The following CACNB2 variants were observed in gnomAD, a reference collection of about 807,000 sequenced individuals.
CACNB2 encodes the protein calcium voltage-gated channel auxiliary subunit beta 2.
In CACNB2, 42 loss-of-function variants were observed where a neutral mutation model predicts 73.3. The observed-to-expected ratio is 0.57, with a 90% CI of 0.45 to 0.74. CACNB2 has a LOEUF of 0.74. Among genes scored for constraint, CACNB2 ranks in the 30% least tolerant of loss-of-function variants. CACNB2 has a pLI of 0.00. For synonymous variants in CACNB2, 348 were observed against 310.3 expected (o/e 1.12, Z -1.28); for missense variants, 940 against 853.0 (o/e 1.10, Z -1.27).
rs568072496 is a variant in CACNB2, at chr10:18,349,756, G to A, written c.214-52168G>A. 9.9e-4 allele frequency among the ~76,000 whole-genome samples: 150 copies of A among 151,522 alleles called. 1 individual carries two copies. The highest frequency in any genetic ancestry group is 1.8e-3 in the Non-Finnish European group (125 of 67,912). On this transcript the variant is annotated intron_variant, in intron 2 of 13. Transcript: ENST00000324631. ...AAAAAAAAAGATCCTGGAGACAGAA[G>A]ATGGTGATGGCTACCCAATAATGTG... is the stretch of plus-strand genomic sequence containing the variant.
intron 2 of CACNB2, among the ~76,000 whole-genome samples, chr10:18,221,499 T>G (rs2035791435): frequency 6.6e-6 from 1 of 152,078 alleles, no homozygotes; most frequent in Admixed American, 6.6e-5. Flanking sequence ...GCCAACATGG[T>G]GAAGCCCTGT....
intron 2 of CACNB2, among the ~76,000 whole-genome samples, chr10:18,270,133 T>C (rs776830390): frequency 4.6e-5 from 7 of 152,154 alleles, no homozygotes; most frequent in Non-Finnish European, 1.0e-4. Flanking sequence ...CTTACAGTCA[T>C]GGCAGGAGGC....
intron 3 of CACNB2, among the ~76,000 whole-genome samples, chr10:18,446,718 A>G (rs970084373): frequency 3.3e-4 from 51 of 152,284 alleles, no homozygotes; most frequent in African/African-American, 1.1e-3. Flanking sequence ...TGACACTCCA[A>G]GAAGAAGATG....
intron 2 of CACNB2, among the ~76,000 whole-genome samples, chr10:18,391,933 A>AG (rs983534278): frequency 6.6e-6 from 1 of 151,628 alleles, no homozygotes; most frequent in Non-Finnish European, 1.5e-5. Context: ...GTCAAAAAAA[A>AG]AAAAAAAAAA....
chr10:18,437,863 G>T (rs1011643805), intron 3 of CACNB2, among the ~76,000 whole-genome samples: 7 of 152,066 alleles, frequency 4.6e-5, no homozygotes, highest in African/African-American at 1.7e-4. Context: ...CTTTTAAAGA[G>T]TTTTTGTAAT....
rs112853251 is a variant in CACNB2 at position 18,488,494 on chromosome 10, A to G, written c.334-9861A>G. ...CATCTCAAAAAAAAAAAAAAAAAAA[A>G]AAAAAGAAAATCAGGATTTGACATC... On this transcript the variant is annotated intron_variant, in intron 3 of 13. Coordinates refer to ENST00000324631, the MANE Select transcript of CACNB2 (RefSeq NM_201596.3). Among the ~76,000 whole-genome samples, 232 of 150,280 alleles carry G rather than the reference A, an allele frequency of 1.5e-3. 2 individuals carry two copies. Among genetic ancestry groups the G allele is most frequent in the Non-Finnish European group, 2.3e-3 (156 of 67,738 alleles).
intron 2 of CACNB2, among the ~76,000 whole-genome samples, chr10:18,247,980 A>T (rs2036933538): frequency 1.3e-5 from 2 of 152,084 alleles, no homozygotes; most frequent in African/African-American, 2.4e-5. Context: ...TCTCTCTGGG[A>T]CCTCTTTGAT....
chr10:18,218,341 A>G (rs1314199261), intron 2 of CACNB2, among the ~76,000 whole-genome samples: 1 of 152,206 alleles, frequency 6.6e-6, no homozygotes, highest in East Asian at 1.9e-4. Context: ...TTTCCAGATT[A>G]TTGATTGCCA....
At chr10:18,316,358 C>T (rs1162766636) in intron 2 of CACNB2, among the ~76,000 whole-genome samples, 1 of 152,022 alleles carries the variant, frequency 6.6e-6, no homozygotes, top group African/African-American at 2.4e-5. Context: ...TGAAATAGGC[C>T]TGATAAATCA....
chr10:18,459,070 T>C (rs568905531), intron 3 of CACNB2, among the ~76,000 whole-genome samples: 40 of 152,206 alleles, frequency 2.6e-4, no homozygotes, highest in African/African-American at 8.7e-4. Context: ...TGGCCCAAGA[T>C]GAACTTTCAC....
chr10:18,263,418 G>C (rs891661020), intron 2 of CACNB2, among the ~76,000 whole-genome samples: 1 of 151,990 alleles, frequency 6.6e-6, no homozygotes, highest in Non-Finnish European at 1.5e-5. Context: ...CAGTTTCCAG[G>C]AATCACAATT....
chr10:18,477,590 A>G (rs1396833760), intron 3 of CACNB2, among the ~76,000 whole-genome samples: 2 of 152,226 alleles, frequency 1.3e-5, no homozygotes, highest in East Asian at 3.9e-4. Flanking sequence ...AGAAAAGAAC[A>G]TGGAATCACT....
chr10:18,308,007 T>TTTTTTTTTTTTTTTTTTTTTTTTA (rs2039809321), intron 2 of CACNB2, among the ~76,000 whole-genome samples: 1 of 141,090 alleles, frequency 7.1e-6, no homozygotes, highest in Non-Finnish European at 1.5e-5. Context: ...TTTTTTTTTT[T>TTTTTTTTTTTTTTTTTTTTTTTTA]TTTGAGGTAG....
At chr10:18,404,898 A>C (rs2044200885) in intron 3 of CACNB2, among the ~76,000 whole-genome samples, 1 of 152,226 alleles carries the variant, frequency 6.6e-6, no homozygotes, top group South Asian at 2.1e-4. Context: ...CAGTGAACAG[A>C]TTAGATGTTA....
At chr10:18,487,308 T>C (rs2049116419) in intron 3 of CACNB2, among the ~76,000 whole-genome samples, 1 of 152,224 alleles carries the variant, frequency 6.6e-6, no homozygotes, top group Non-Finnish European at 1.5e-5. Context: ...GTGCAGACTT[T>C]TAGCTTGTTT....
chr10:18,180,273 G>A (rs2033807137), intron 2 of CACNB2, among the ~76,000 whole-genome samples: 1 of 152,114 alleles, frequency 6.6e-6, no homozygotes, highest in South Asian at 2.1e-4. Flanking sequence ...CAGACAGAGG[G>A]GTGGTCTAAG....
At chr10:18,306,019 C>A (rs73603706) in intron 2 of CACNB2, among the ~76,000 whole-genome samples, 1 of 152,174 alleles carries the variant, frequency 6.6e-6, no homozygotes, top group African/African-American at 2.4e-5. Flanking sequence ...AGACAAGAAA[C>A]AGGGTCCTGC....
intron 2 of CACNB2, among the ~76,000 whole-genome samples, chr10:18,327,318 CTATT>C (rs1460423762): frequency 5.9e-5 from 9 of 152,096 alleles, no homozygotes; most frequent in Non-Finnish European, 1.3e-4. Flanking sequence ...GATTTTATTT[CTATT>C]TATTTCTTCA....
intron 2 of CACNB2, among the ~76,000 whole-genome samples, chr10:18,294,756 A>G (rs2039208512): frequency 6.6e-6 from 1 of 152,262 alleles, no homozygotes; most frequent in East Asian, 1.9e-4. Flanking sequence ...AATGGCCAGA[A>G]GGCTAATATG....
Sources: allele counts gnomAD v4.1 joint callset (sites outside exome capture counted in the v4.1 genomes callset), GRCh38; gene constraint gnomAD v4.1.1; transcripts MANE v1.5; gene names NCBI Gene and HGNC (gene_info 2026-07-23, HGNC 2026-07-21).